Variants in TMEM260 observed in about 807,000 individuals in gnomAD.
TMEM260 encodes transmembrane protein 260, also known as protein O-mannosyl-transferase TMEM260.
TMEM260 carries 82 observed loss-of-function variants against 88.9 expected under a neutral mutation model. The observed-to-expected ratio is 0.92, with a 90% CI of 0.77 to 1.11. TMEM260 has a LOEUF of 1.11. Ranked by LOEUF, TMEM260 falls within the 50% of genes least tolerant of loss-of-function variation. The pLI is 0.00. For synonymous variants in TMEM260, 314 were observed against 309.3 expected, an observed-to-expected ratio of 1.02 and a Z score of -0.16; for missense variants, 902 against 853.4, an observed-to-expected ratio of 1.06 and a Z score of -0.71.
chr14:56,596,784 T>TAAA (rs764574288), intron 3 of TMEM260, among the ~76,000 whole-genome samples: 2,163 of 114,238 alleles, frequency 0.019, 42 homozygotes, highest in East Asian at 0.054. Context: ...AAAAAAAAAT[T>TAAA]AAAAAAAAAA....
downstream of TMEM260, among the ~76,000 whole-genome samples, chr14:56,651,064 C>A (rs193232824): frequency 6.6e-6 from 1 of 152,118 alleles, no homozygotes; most frequent in Non-Finnish European, 1.5e-5. Context: ...CTGATACTCA[C>A]AAACAAATAA....
At chr14:56,621,029 G>A (rs1887883191) in intron 10 of TMEM260, among the ~76,000 whole-genome samples, 1 of 152,126 alleles carries the variant, frequency 6.6e-6, no homozygotes, top group Non-Finnish European at 1.5e-5. Flanking sequence ...GGCAGAGAGG[G>A]ACACAGGAGG....
intron 15 of TMEM260, among the ~76,000 whole-genome samples, chr14:56,645,304 T>TG (rs1188629966): frequency 3.9e-5 from 6 of 151,930 alleles, no homozygotes; most frequent in African/African-American, 1.4e-4. Flanking sequence ...CATGGAATAC[T>TG]ATGCAGCCAT....
intron 15 of TMEM260, among the ~76,000 whole-genome samples, chr14:56,638,581 AT>A (rs1304795295): frequency 1.3e-5 from 2 of 152,084 alleles, no homozygotes; most frequent in African/African-American, 4.8e-5. Flanking sequence ...GTGAATACAG[AT>A]TATTGGTATC....
rs140023131 is a variant in TMEM260 at position 56,590,548 on chromosome 14, C to T, written c.344+4636C>T. On this transcript the variant is annotated intron_variant, in intron 3 of 15. Transcript: ENST00000261556. The stretch of plus-strand genomic sequence containing the variant: ...CAATTGGGAGAAAATTTATGTAAAC[C>T]ACAATCCCTTCAGAATGTGCGGAAG... 6.6e-3 allele frequency among the ~76,000 whole-genome samples: 1,007 copies of T among 152,314 alleles called. 2 individuals carry two copies. The highest frequency in any genetic ancestry group is 0.011 in the Non-Finnish European group (747 of 68,028).
At chr14:56,652,217 C>G (rs547952240), downstream of TMEM260, among the ~76,000 whole-genome samples, 5 of 152,110 alleles carry the variant, frequency 3.3e-5, no homozygotes, top group Non-Finnish European at 5.9e-5. Flanking sequence ...AATTCAGGGC[C>G]GGGAGTGGTG....
chr14:56,597,265 T>C (rs562336464), intron 3 of TMEM260, among the ~76,000 whole-genome samples: 3 of 152,182 alleles, frequency 2.0e-5, no homozygotes, highest in Non-Finnish European at 4.4e-5. Flanking sequence ...GAAGTGCTCA[T>C]TGGAGCATAT....
chr14:56,632,440 A>G (rs891972480), intron 12 of TMEM260, among the ~76,000 whole-genome samples: 3 of 152,142 alleles, frequency 2.0e-5, no homozygotes, highest in Admixed American at 1.3e-4. Flanking sequence ...TGCCTCCGCT[A>G]ATGCCACGAT....
chr14:56,625,265 TTA>T, intron 11 of TMEM260, 115 bp from the exon 12 acceptor site: 22 of 943,604 alleles, frequency 2.3e-5, no homozygotes, highest in South Asian at 4.8e-5. Context: ...TATTTTTCAA[TTA>T]TATATATATT....
intron 3 of TMEM260, among the ~76,000 whole-genome samples, chr14:56,597,615 T>C (rs1594824269): frequency 3.9e-5 from 6 of 152,276 alleles, no homozygotes; most frequent in Admixed American, 3.9e-4. Context: ...GAGTCAGAAA[T>C]GTGAGGTCAG....
At chr14:56,618,833 CTT>C in intron 10 of TMEM260, 70 bp downstream of exon 10, 1 of 1,429,184 alleles carries the variant, frequency 7.0e-7, no homozygotes. Context: ...GATTCTAACA[CTT>C]TATTTCATTG....
chr14:56,650,089 A>G (rs929941623), downstream of TMEM260: 8 of 455,598 alleles, frequency 1.8e-5, no homozygotes, highest in African/African-American at 2.0e-5. Context: ...ACTCCATAAA[A>G]TCTGATAAAA....
intron 12 of TMEM260, among the ~76,000 whole-genome samples, chr14:56,632,427 T>G (rs1198689140): frequency 2.0e-5 from 3 of 152,180 alleles, no homozygotes; most frequent in Non-Finnish European, 4.4e-5. Flanking sequence ...ATCACTATGC[T>G]GCTGCCTCCG....
intron 15 of TMEM260, among the ~76,000 whole-genome samples, chr14:56,637,791 A>G (rs1171220523): frequency 6.6e-6 from 1 of 152,148 alleles, no homozygotes; most frequent in Non-Finnish European, 1.5e-5. Context: ...TCATTCACTC[A>G]CAAAGCATTT....
chr14:56,660,337 G>C, the TMEM260 span, among the ~76,000 whole-genome samples: 1 of 152,190 alleles, frequency 6.6e-6, no homozygotes, highest in Non-Finnish European at 1.5e-5. Context: ...TTTGGTTGTT[G>C]CAAGCATTAT....
chr14:56,621,451 T>G, intron 10 of TMEM260, 80 bp from the exon 11 acceptor site: 2 of 1,008,782 alleles, frequency 2.0e-6, no homozygotes, highest in South Asian at 3.9e-5. Context: ...GGGAAAAGAA[T>G]GGCATAGAAA....
At chr14:56,637,307 T>C (rs1889179582) in intron 15 of TMEM260, among the ~76,000 whole-genome samples, 1 of 152,228 alleles carries the variant, frequency 6.6e-6, no homozygotes, top group South Asian at 2.1e-4. Flanking sequence ...CTTGAAATGA[T>C]AGGGCCTTGG....
At chr14:56,615,045 G>A in intron 7 of TMEM260, among the ~76,000 whole-genome samples, 1 of 152,176 alleles carries the variant, frequency 6.6e-6, no homozygotes, top group East Asian at 1.9e-4. Context: ...ATAATTTTGA[G>A]ACTGACTTCA....
Position 56,585,818 on chromosome 14 carries a change from C to G in TMEM260, c.250C>G (p.Leu84Val). The G allele has an allele frequency of 6.2e-7, 1 of 1,613,412 alleles. No individual in the cohort carries two copies. Among genetic ancestry groups the G allele is most frequent in the Non-Finnish European group, 8.5e-7 (1 of 1,179,678 alleles). Residue 84 changes from leucine to valine, a missense_variant, in exon 3 of 16, where the codon CTG becomes GTG. Physicochemically the swap from Leu to Val is conservative, Grantham distance 32. Coordinates refer to ENST00000261556, the MANE Select transcript of TMEM260 (RefSeq NM_017799.4). ...GCTGGTGGCTAAACTGGCAATTACA[C>G]TGTTTCCTTTTGGTTCAATTGCCTA... ...FTLVAKLAITLFPFGSIAYRV... is the reference protein window; with the variant it reads ...FTLVAKLAITVFPFGSIAYRV...
Sources: allele counts gnomAD v4.1 joint callset (sites outside exome capture counted in the v4.1 genomes callset), GRCh38; gene constraint gnomAD v4.1.1; transcripts MANE v1.5; gene names NCBI Gene and HGNC (gene_info 2026-07-23, HGNC 2026-07-21).